Variants in UBAC2 observed in about 807,000 individuals in gnomAD.
UBAC2 encodes the protein UBA domain containing 2, also known as ubiquitin-associated domain-containing protein 2.
A neutral mutation model predicts 44.0 loss-of-function variants in UBAC2; 26 were observed. That is an observed-to-expected ratio of 0.59 (90% CI 0.43 to 0.82). The LOEUF is 0.82. Ranked by LOEUF, UBAC2 falls within the 40% of genes least tolerant of loss-of-function variation. The pLI is 0.00. For synonymous variants in UBAC2, 155 were observed against 154.3 expected (o/e 1.00, Z -0.04); for missense variants, 329 against 419.4 (o/e 0.78, Z 1.88).
intron 4 of UBAC2, among the ~76,000 whole-genome samples, chr13:99,276,652 G>A (rs2043887084): frequency 6.6e-6 from 1 of 152,158 alleles, no homozygotes; most frequent in African/African-American, 2.4e-5. Context: ...CCACTTCCTG[G>A]AGGCTGGTGG....
intron 4 of UBAC2, among the ~76,000 whole-genome samples, chr13:99,264,965 C>T (rs1021021174): frequency 2.3e-5 from 3 of 131,770 alleles, no homozygotes; most frequent in African/African-American, 8.3e-5. Context: ...TTTGCCATCG[C>T]TGTTTTTTTT....
intron 4 of UBAC2, among the ~76,000 whole-genome samples, chr13:99,286,878 T>G (rs1199894352): frequency 6.6e-6 from 1 of 152,196 alleles, no homozygotes; most frequent in Non-Finnish European, 1.5e-5. Flanking sequence ...TGAATTGCTG[T>G]GCTTAACTGA....
chr13:99,285,615 C>T (rs1351700070), intron 4 of UBAC2, among the ~76,000 whole-genome samples: 1 of 152,104 alleles, frequency 6.6e-6, no homozygotes, highest in African/African-American at 2.4e-5. Context: ...TGGTCTCAAA[C>T]TCCTGGCCTC....
At chr13:99,203,095 T>C (rs118180118) in intron 1 of UBAC2, among the ~76,000 whole-genome samples, 15,186 of 151,902 alleles carry the variant, frequency 0.1, 901 homozygotes, top group South Asian at 0.27. Context: ...TGGAGTGCAG[T>C]GGTGGATCTC....
At chr13:99,240,304 A>G (rs1348505652) in intron 2 of UBAC2, among the ~76,000 whole-genome samples, 1 of 152,150 alleles carries the variant, frequency 6.6e-6, no homozygotes. Flanking sequence ...ACCAGCTCTC[A>G]TAGTTTTGTG....
rs374014333 is a variant in UBAC2, at chr13:99,283,853, G to A, written c.390-30244G>A. The stretch of plus-strand genomic sequence containing the variant: ...GGGTTCAAGCTATTCTCCTGCCTCA[G>A]CCTCCTGAGTAGCTGAAATTACAGG... On this transcript the variant is annotated intron_variant, in intron 4 of 8. Transcript: ENST00000403766. Among the ~76,000 whole-genome samples the A allele has an allele frequency of 6.7e-5, 10 of 148,956 alleles. No homozygotes were observed. In the East Asian group the frequency reaches 1.6e-3, roughly 24 times the overall value.
intron 7 of UBAC2, 82 bp downstream of exon 7, chr13:99,340,647 A>G: frequency 6.9e-7 from 1 of 1,458,726 alleles, no homozygotes; most frequent in South Asian, 1.3e-5. Flanking sequence ...CATGTGAGAT[A>G]GAGACTACAT....
chr13:99,288,693 T>C (rs1299395782), intron 4 of UBAC2, among the ~76,000 whole-genome samples: 2 of 152,224 alleles, frequency 1.3e-5, no homozygotes, highest in African/African-American at 2.4e-5. Flanking sequence ...TTAAATGTCA[T>C]TCTAATTTCT....
chr13:99,373,163 T>C (rs2045431049), intron 8 of UBAC2, among the ~76,000 whole-genome samples: 1 of 92,946 alleles, frequency 1.1e-5, no homozygotes, highest in African/African-American at 3.3e-5. Context: ...ATCTCTCTCT[T>C]TTTTATTGTT....
At chr13:99,310,638 C>T (rs9554581) in intron 4 of UBAC2, among the ~76,000 whole-genome samples, 20,384 of 152,052 alleles carry the variant, frequency 0.13, 1,616 homozygotes, top group East Asian at 0.32. Flanking sequence ...TATGTGTGGC[C>T]TAGTATTTAG....
chr13:99,269,397 C>T (rs2043788729), intron 4 of UBAC2, among the ~76,000 whole-genome samples: 1 of 152,154 alleles, frequency 6.6e-6, no homozygotes, highest in African/African-American at 2.4e-5. Context: ...AGAACTTGTT[C>T]CAGGACATAA....
chr13:99,319,018 A>T (rs769772454), intron 6 of UBAC2, among the ~76,000 whole-genome samples: 4 of 152,118 alleles, frequency 2.6e-5, no homozygotes, highest in Non-Finnish European at 4.4e-5. Flanking sequence ...CTCATTTTGT[A>T]AAAAGACATT....
At chr13:99,233,061 A>G (rs2043193982) in intron 1 of UBAC2, among the ~76,000 whole-genome samples, 2 of 152,208 alleles carry the variant, frequency 1.3e-5, no homozygotes, top group African/African-American at 4.8e-5. Context: ...AAGAGCTAGA[A>G]GCATTGGGAC....
intron 4 of UBAC2, among the ~76,000 whole-genome samples, chr13:99,270,952 G>A (rs2138664828): frequency 6.6e-6 from 1 of 152,224 alleles, no homozygotes; most frequent in Non-Finnish European, 1.5e-5. Context: ...TATTTTACAA[G>A]AGCAATCGGC....
rs763139783 is a variant in UBAC2 at position 99,234,354 on chromosome 13, AT to A, written c.32-4066del. 151 of 323,954 alleles carry A rather than the reference AT, an allele frequency of 4.7e-4. 1 individual carries two copies. The highest frequency in any genetic ancestry group is 1.1e-3 in the Middle Eastern group (1 of 918). 20.1% of individuals were successfully genotyped at this position (323,954 alleles called of 1,614,324 possible). A position where few individuals can be genotyped will look rare whatever the true frequency, so the allele number is the denominator to read the frequency against. ...AGGCGCTTGCCACCACGCCCGGGTAATTTTTTTGTATTTTTAGTAGAGATGG... is the reference window on the plus strand; with the variant it reads ...AGGCGCTTGCCACCACGCCCGGGTAATTTTTTGTATTTTTAGTAGAGATGG... On this transcript the variant is annotated intron_variant, in intron 1 of 8. Coordinates refer to ENST00000403766, the MANE Select transcript of UBAC2 (RefSeq NM_001144072.2).
chr13:99,214,045 C>T (rs2042963659), intron 1 of UBAC2, among the ~76,000 whole-genome samples: 1 of 152,018 alleles, frequency 6.6e-6, no homozygotes, highest in African/African-American at 2.4e-5. Flanking sequence ...TCTCGAACTC[C>T]CAACCTCAAG....
At chr13:99,317,425 G>T (rs139259594) in intron 5 of UBAC2, among the ~76,000 whole-genome samples, 3 of 152,116 alleles carry the variant, frequency 2.0e-5, no homozygotes, top group Non-Finnish European at 2.9e-5. Flanking sequence ...AATTTCATGA[G>T]ATCTAATTCT....
At chr13:99,346,266 G>T (rs147049039) in intron 7 of UBAC2, among the ~76,000 whole-genome samples, 17 of 152,208 alleles carry the variant, frequency 1.1e-4, no homozygotes, top group African/African-American at 4.1e-4. Flanking sequence ...GGCCACCGGC[G>T]CCATTTGCCT....
chr13:99,334,465 C>G, intron 6 of UBAC2, among the ~76,000 whole-genome samples: 1 of 152,100 alleles, frequency 6.6e-6, no homozygotes, highest in East Asian at 1.9e-4. Flanking sequence ...CAAAATTATA[C>G]TTTGTTTCAG....
Sources: allele counts gnomAD v4.1 joint callset (sites outside exome capture counted in the v4.1 genomes callset), GRCh38; gene constraint gnomAD v4.1.1; transcripts MANE v1.5; gene names NCBI Gene and HGNC (gene_info 2026-07-23, HGNC 2026-07-21).